The following SLC16A7 variants were observed in gnomAD, a reference collection of about 807,000 sequenced individuals.
The protein encoded by SLC16A7 is monocarboxylate transporter 2.
A neutral mutation model predicts 34.9 loss-of-function variants in SLC16A7; 33 were observed. That is an observed-to-expected ratio of 0.94 (90% CI 0.72 to 1.26). The LOEUF is 1.26. Among genes scored for constraint, SLC16A7 ranks in the 50% most tolerant of loss-of-function variants. The pLI, the probability that SLC16A7 is intolerant of heterozygous loss-of-function variation, is 0.00. For synonymous variants in SLC16A7, 201 were observed against 206.6 expected, an observed-to-expected ratio of 0.97 and a Z score of 0.23; for missense variants, 573 against 578.1, an observed-to-expected ratio of 0.99 and a Z score of 0.09.
intron 3 of SLC16A7, chr12:59,720,272 C>T (rs147640449): frequency 7.8e-6 from 4 of 512,278 alleles, no homozygotes; most frequent in Non-Finnish European, 1.4e-5. Flanking sequence ...TTTTAAGCAC[C>T]CTTTCATAAA....
intron 2 of SLC16A7, among the ~76,000 whole-genome samples, chr12:59,656,502 C>A (rs932881496): frequency 5.3e-5 from 8 of 151,940 alleles, no homozygotes; most frequent in African/African-American, 1.9e-4. Flanking sequence ...TATGGAAAAG[C>A]AAGGAAACAG....
At chr12:59,670,198 C>G (rs933652671) in intron 2 of SLC16A7, among the ~76,000 whole-genome samples, 2 of 152,140 alleles carry the variant, frequency 1.3e-5, no homozygotes, top group African/African-American at 4.8e-5. Flanking sequence ...GACATTTTCC[C>G]TGTGTTTGTG....
Position 59,638,212 on chromosome 12 carries a change from T to C in SLC16A7, c.-129-16940T>C, listed in dbSNP as rs1050922539. 3.3e-5 allele frequency among the ~76,000 whole-genome samples: 5 copies of C among 152,120 alleles called. No homozygotes were observed. In the South Asian group the frequency reaches 1.0e-3, roughly 31 times the overall value. On this transcript the variant is annotated intron_variant, in intron 1 of 5. Coordinates refer to ENST00000547379, the MANE Select transcript of SLC16A7 (RefSeq NM_001270623.2). ...ACCCAGCAAAACCTGTCTGTTCAGA[T>C]GCTTTTTGGACTCTTTGTGTAGCAT...
intron 1 of SLC16A7, among the ~76,000 whole-genome samples, chr12:59,643,726 T>G (rs1242766061): frequency 1.3e-5 from 2 of 152,166 alleles, no homozygotes; most frequent in African/African-American, 4.8e-5. Flanking sequence ...ACCACACCAG[T>G]GTAATCAAGC....
intron 3 of SLC16A7, among the ~76,000 whole-genome samples, chr12:59,721,417 G>A (rs1236570809): frequency 1.3e-5 from 2 of 151,726 alleles, no homozygotes; most frequent in African/African-American, 2.4e-5. Context: ...CTATTAATGG[G>A]TATTACTGTG....
At chr12:59,660,001 A>G (rs1022247123) in intron 2 of SLC16A7, among the ~76,000 whole-genome samples, 3 of 152,084 alleles carry the variant, frequency 2.0e-5, no homozygotes, top group Admixed American at 6.6e-5. Context: ...AGTAAAATAT[A>G]GGTCTTACCC....
intron 2 of SLC16A7, among the ~76,000 whole-genome samples, chr12:59,669,652 TCACACACACACA>T (rs144456899): frequency 2.6e-4 from 36 of 139,612 alleles, no homozygotes; most frequent in Admixed American, 1.2e-3. Flanking sequence ...CCATAGATAG[TCACACACACACA>T]CACACACACA....
intron 3 of SLC16A7, among the ~76,000 whole-genome samples, chr12:59,724,787 T>A (rs947399400): frequency 3.3e-5 from 5 of 152,060 alleles, no homozygotes; most frequent in African/African-American, 1.2e-4. Flanking sequence ...AGGGTTTTTA[T>A]GTATTTTAAG....
rs1214727468 is a variant in SLC16A7 at position 59,786,463 on chromosome 12, A to C, written c.*6784A>C. 1 of 152,086 alleles carries C rather than the reference A, an allele frequency of 6.6e-6. No homozygotes were observed. The highest frequency in any genetic ancestry group is 2.4e-5 in the African/African-American group (1 of 41,432). 9.4% of individuals were successfully genotyped at this position (152,086 alleles called of 1,614,324 possible). On this transcript the variant is annotated 3_prime_UTR_variant, in exon 6 of 6. Coordinates refer to ENST00000547379, the MANE Select transcript of SLC16A7 (RefSeq NM_001270623.2). ...AGTACATATTTCTGACAAGCTTTTC[A>C]ATGGTACGATGGATTTTATTTTTCT...
chr12:59,691,908 A>C (rs932928025), intron 2 of SLC16A7, among the ~76,000 whole-genome samples: 1 of 152,006 alleles, frequency 6.6e-6, no homozygotes, highest in African/African-American at 2.4e-5. Flanking sequence ...TTTGTAGTGC[A>C]GTTGCTTGGT....
At chr12:59,734,161 C>A in intron 3 of SLC16A7, 1 of 207,814 alleles carries the variant, frequency 4.8e-6, no homozygotes, top group South Asian at 7.2e-5. Flanking sequence ...TGCCTCCCAC[C>A]ATCAACATGC....
At chr12:59,755,358 A>G (rs1165623300) in intron 3 of SLC16A7, among the ~76,000 whole-genome samples, 1 of 152,218 alleles carries the variant, frequency 6.6e-6, no homozygotes, top group African/African-American at 2.4e-5. Flanking sequence ...AGAAAACCCC[A>G]TTGTCTCAGC....
chr12:59,598,209 C>A (rs1878515261), intron 1 of SLC16A7, among the ~76,000 whole-genome samples: 1 of 152,192 alleles, frequency 6.6e-6, no homozygotes, highest in African/African-American at 2.4e-5. Flanking sequence ...ATTGGTTCTG[C>A]ACTTTTGTAA....
chr12:59,772,618 C>T (rs1021812117), intron 4 of SLC16A7, among the ~76,000 whole-genome samples: 4 of 152,082 alleles, frequency 2.6e-5, no homozygotes, highest in Middle Eastern at 6.3e-3. Flanking sequence ...CAAAAGTAGA[C>T]AGATCTAGCA....
chr12:59,736,621 A>G (rs1877636736), intron 3 of SLC16A7, among the ~76,000 whole-genome samples: 1 of 152,164 alleles, frequency 6.6e-6, no homozygotes, highest in Admixed American at 6.5e-5. Context: ...CAGACTGGGC[A>G]GATGCCACTT....
At chr12:59,707,323 C>T (rs1157096063) in intron 3 of SLC16A7, among the ~76,000 whole-genome samples, 1 of 152,006 alleles carries the variant, frequency 6.6e-6, no homozygotes, top group African/African-American at 2.4e-5. Flanking sequence ...CTCCATTGAA[C>T]AAAAGAAGCA....
chr12:59,655,263 G>A lies in SLC16A7; in HGVS notation c.-31+13G>A, dbSNP rs1428011707. ...ACAGAGTTACTCTGTGAGTATCCTT[G>A]GTGTGTAATGATGTTTTCTTCCATC... On this transcript the variant is annotated intron_variant, in intron 2 of 5. Coordinates refer to ENST00000547379, the MANE Select transcript of SLC16A7 (RefSeq NM_001270623.2). 6.6e-6 allele frequency: 1 copy of A among 151,862 alleles called. No individual in the cohort carries two copies. Among genetic ancestry groups the A allele is most frequent in the Admixed American group, 6.6e-5 (1 of 15,188 alleles). 9.4% of individuals were successfully genotyped at this position (151,862 alleles called of 1,614,324 possible).
intron 3 of SLC16A7, 103 bp from the exon 4 acceptor site, chr12:59,771,116 C>T: frequency 9.2e-7 from 1 of 1,081,134 alleles, no homozygotes; most frequent in South Asian, 1.6e-5. Flanking sequence ...CTCCTCTGAC[C>T]ATTAAAATGT....
chr12:59,617,064 G>A (rs17122696), intron 1 of SLC16A7, among the ~76,000 whole-genome samples: 21,054 of 151,946 alleles, frequency 0.14, 2,187 homozygotes, highest in East Asian at 0.63. Context: ...TGTGGTGTAT[G>A]AATAAAATCA....
Sources: allele counts gnomAD v4.1 joint callset (sites outside exome capture counted in the v4.1 genomes callset), GRCh38; gene constraint gnomAD v4.1.1; transcripts MANE v1.5; gene names NCBI Gene and HGNC (gene_info 2026-07-23, HGNC 2026-07-21).